SNX7: variants seen among roughly 807,000 people sequenced by gnomAD.
SNX7 encodes sorting nexin 7.
SNX7 carries 35 observed loss-of-function variants against 48.4 expected under a neutral mutation model. The ratio of observed to expected loss-of-function variants is 0.72; its 90% CI spans 0.55 to 0.96. The LOEUF (loss-of-function observed/expected upper bound fraction) is 0.96, where lower values mean the gene tolerates loss of function less well. SNX7 is among the 40% of genes least tolerant of loss of function. The pLI, the probability that SNX7 is intolerant of heterozygous loss-of-function variation, is 0.00. For synonymous variants in SNX7, 190 were observed against 190.2 expected, an observed-to-expected ratio of 1.00 and a Z score of 0.01; for missense variants, 553 against 548.9, an observed-to-expected ratio of 1.01 and a Z score of -0.07.
chr1:98,668,112 A>C (rs1649642024), intron 1 of SNX7, among the ~76,000 whole-genome samples: 1 of 152,250 alleles, frequency 6.6e-6, no homozygotes. Flanking sequence ...AAAAGCTCTA[A>C]GTTTCTCTTT....
chr1:98,667,314 C>T (rs1386056986), intron 1 of SNX7, among the ~76,000 whole-genome samples: 3 of 152,102 alleles, frequency 2.0e-5, no homozygotes, highest in African/African-American at 7.2e-5. Context: ...GAAGAAAGCT[C>T]CATTAGTCAT....
chr1:98,666,477 C>T (rs1411839922), intron 1 of SNX7, among the ~76,000 whole-genome samples: 1 of 152,096 alleles, frequency 6.6e-6, no homozygotes, highest in Non-Finnish European at 1.5e-5. Flanking sequence ...TTTGGATCTC[C>T]TGCTTGCACT....
At chr1:98,688,224 C>T (rs2100946783) in intron 2 of SNX7, among the ~76,000 whole-genome samples, 1 of 152,250 alleles carries the variant, frequency 6.6e-6, no homozygotes, top group South Asian at 2.1e-4. Flanking sequence ...TATACACATA[C>T]ATACATGGAC....
chr1:98,695,474 A>T, intron 4 of SNX7, 44 bp from the exon 5 acceptor site: 1 of 1,561,978 alleles, frequency 6.4e-7, no homozygotes, highest in Non-Finnish European at 8.8e-7. Context: ...GTCTCGGAAT[A>T]TTGAGACTTG....
intron 8 of SNX7, among the ~76,000 whole-genome samples, chr1:98,748,504 A>G (rs537105539): frequency 1.3e-5 from 2 of 152,222 alleles, no homozygotes; most frequent in East Asian, 3.9e-4. Context: ...GATTACACAT[A>G]ATAATGAAAT....
intron 8 of SNX7, among the ~76,000 whole-genome samples, chr1:98,756,789 T>G (rs926725339): frequency 1.1e-4 from 17 of 152,152 alleles, no homozygotes; most frequent in Non-Finnish European, 2.4e-4. Context: ...ATGTCTCCCT[T>G]CACCATGGCC....
At chr1:98,674,229 T>C (rs757329772) in intron 1 of SNX7, among the ~76,000 whole-genome samples, 3 of 152,212 alleles carry the variant, frequency 2.0e-5, no homozygotes, top group Non-Finnish European at 4.4e-5. Flanking sequence ...AGTGCAGAAA[T>C]GCTGTGTGAG....
intron 1 of SNX7, among the ~76,000 whole-genome samples, chr1:98,668,935 G>A (rs528332637): frequency 6.6e-6 from 1 of 152,190 alleles, no homozygotes; most frequent in Non-Finnish European, 1.5e-5. Context: ...GAGGAGAGGA[G>A]GGTGTGACAG....
At chr1:98,666,640 T>C (rs1649549353) in intron 1 of SNX7, among the ~76,000 whole-genome samples, 1 of 152,162 alleles carries the variant, frequency 6.6e-6, no homozygotes, top group African/African-American at 2.4e-5. Flanking sequence ...TCATTGTATA[T>C]GCTCTTCTAT....
At chr1:98,691,877 T>C (rs915583311) in intron 4 of SNX7, among the ~76,000 whole-genome samples, 178 bp downstream of exon 4, 1 of 151,528 alleles carries the variant, frequency 6.6e-6, no homozygotes, top group African/African-American at 2.4e-5. Flanking sequence ...AATCTACATA[T>C]AAATATTACA....
intron 8 of SNX7, among the ~76,000 whole-genome samples, chr1:98,743,122 A>G (rs1043135761): frequency 1.3e-5 from 2 of 151,904 alleles, no homozygotes; most frequent in Non-Finnish European, 2.9e-5. Flanking sequence ...TTCTTATTCT[A>G]TCAGTCTTAT....
Position 98,698,781 on chromosome 1 carries a change from C to T in SNX7, c.914C>T (p.Thr305Ile), listed in dbSNP as rs1473684814. 1 of 1,613,184 alleles carries T rather than the reference C, an allele frequency of 6.2e-7. No homozygotes were observed. The highest frequency in any genetic ancestry group is 8.5e-7 in the Non-Finnish European group (1 of 1,179,588). ...GCGTCAGAAGAGGATCTGGTTGATA[C>T]TCTAAAGGATGTTGCCAGCTGCATT... is the stretch of plus-strand genomic sequence containing the variant. ...WSASEEDLVD[T>I]LKDVASCIDR... Residue 305 changes from threonine to isoleucine, a missense_variant, in exon 6 of 9, where the codon ACT becomes ATT. By Grantham distance (89) the Thr-to-Ile change is moderately conservative. Transcript: ENST00000306121.
At chr1:98,726,746 ACT>A (rs1288171653) in intron 7 of SNX7, among the ~76,000 whole-genome samples, 2 of 151,982 alleles carry the variant, frequency 1.3e-5, no homozygotes, top group Admixed American at 1.3e-4. Context: ...TCATTGAGAA[ACT>A]CTAAGGCAAC....
At chr1:98,708,219 C>T (rs1045018565) in intron 7 of SNX7, among the ~76,000 whole-genome samples, 1 of 152,184 alleles carries the variant, frequency 6.6e-6, no homozygotes, top group Non-Finnish European at 1.5e-5. Context: ...GATACATATC[C>T]ATCCACACAT....
At chr1:98,712,682 C>T (rs967884262) in intron 7 of SNX7, among the ~76,000 whole-genome samples, 21 of 152,172 alleles carry the variant, frequency 1.4e-4, no homozygotes, top group Admixed American at 8.5e-4. Flanking sequence ...TTGGCTTCAA[C>T]TTAAAATCAC....
intron 7 of SNX7, among the ~76,000 whole-genome samples, chr1:98,710,601 T>C (rs1280471903): frequency 3.3e-5 from 5 of 152,206 alleles, no homozygotes; most frequent in African/African-American, 1.2e-4. Flanking sequence ...CTGCCGTAGA[T>C]AGAAAGTTTA....
chr1:98,683,136 A>G (rs1420888115), intron 1 of SNX7, among the ~76,000 whole-genome samples: 1 of 152,096 alleles, frequency 6.6e-6, no homozygotes, highest in Non-Finnish European at 1.5e-5. Flanking sequence ...GTTTTTTAAA[A>G]AGTGTTTATG....
intron 1 of SNX7, among the ~76,000 whole-genome samples, chr1:98,683,743 C>T (rs1272096593): frequency 3.9e-5 from 6 of 152,122 alleles, no homozygotes; most frequent in Admixed American, 1.3e-4. Flanking sequence ...TAATAACAGC[C>T]TGAATGGACT....
chr1:98,662,870 A>T, intron 1 of SNX7: 4 of 1,285,190 alleles, frequency 3.1e-6, no homozygotes, highest in Non-Finnish European at 3.0e-6. Flanking sequence ...AGCAAACCAA[A>T]GTTAGGAAGT....
Sources: allele counts gnomAD v4.1 joint callset (sites outside exome capture counted in the v4.1 genomes callset), GRCh38; gene constraint gnomAD v4.1.1; transcripts MANE v1.5; gene names NCBI Gene and HGNC (gene_info 2026-07-23, HGNC 2026-07-21).